Variants in UBTD2 observed in about 807,000 individuals in gnomAD.
UBTD2 encodes the protein ubiquitin domain-containing protein 2.
Under a neutral mutation model 19.8 loss-of-function variants are expected in UBTD2, and 9 were observed. The ratio of observed to expected loss-of-function variants is 0.46; its 90% CI spans 0.27 to 0.79. The LOEUF (loss-of-function observed/expected upper bound fraction) is 0.79, where lower values mean the gene tolerates loss of function less well. Among genes scored for constraint, UBTD2 ranks in the 30% least tolerant of loss-of-function variants. The pLI, the probability that UBTD2 is intolerant of heterozygous loss-of-function variation, is 0.14. For missense variants in UBTD2, 250 were observed against 300.4 expected (o/e 0.83, Z 1.24); for synonymous variants, 98 against 103.9 (o/e 0.94, Z 0.35).
intron 2 of UBTD2, among the ~76,000 whole-genome samples, chr5:172,215,802 C>T (rs1053025102): frequency 1.3e-5 from 2 of 152,116 alleles, no homozygotes; most frequent in African/African-American, 2.4e-5. Context: ...AAATAAAGAA[C>T]GCCTTTGATG....
At chr5:172,253,031 CTTTTG>C (rs565323453) in intron 1 of UBTD2, among the ~76,000 whole-genome samples, 216 of 152,132 alleles carry the variant, frequency 1.4e-3, no homozygotes, top group African/African-American at 4.6e-3. Flanking sequence ...GTCACTTAAT[CTTTTG>C]TTTTGTTTTT....
intron 1 of UBTD2, among the ~76,000 whole-genome samples, chr5:172,278,888 C>T (rs1270995707): frequency 2.0e-5 from 3 of 152,156 alleles, no homozygotes. Flanking sequence ...GATTCTCCTG[C>T]CTCAGCCTCC....
In UBTD2 at chr5:172,240,795, C is replaced by T. The variant is rs139847632; in HGVS notation, c.71-6437G>A. ...ATGAAACTGGGACTAAGAATATGGT[C>T]GCCTAGGCAGTTGGGTGTGGTAGCT... On this transcript the variant is annotated intron_variant, in intron 1 of 2. Transcript: ENST00000393792. Among the ~76,000 whole-genome samples, 558 of 152,182 alleles carry T rather than the reference C, an allele frequency of 3.7e-3. 3 individuals carry two copies. Among genetic ancestry groups the T allele is most frequent in the African/African-American group, 0.012 (490 of 41,518 alleles).
intron 1 of UBTD2, among the ~76,000 whole-genome samples, chr5:172,245,661 G>C (rs1249470223): frequency 6.6e-6 from 1 of 150,790 alleles, no homozygotes; most frequent in Non-Finnish European, 1.5e-5. Context: ...GCAGTGAGCA[G>C]AGATCACACC....
chr5:172,229,336 TA>T (rs1487013791), intron 2 of UBTD2, among the ~76,000 whole-genome samples: 10 of 151,396 alleles, frequency 6.6e-5, no homozygotes, highest in South Asian at 2.1e-4. Flanking sequence ...CTGTCTCTAC[TA>T]AAAAATACAA....
intron 1 of UBTD2, among the ~76,000 whole-genome samples, chr5:172,267,062 T>C (rs10063708): frequency 6.9e-6 from 1 of 144,092 alleles, no homozygotes; most frequent in African/African-American, 2.7e-5. Context: ...AAAAAAAAAG[T>C]TTTTTCCTAG....
chr5:172,246,448 T>C (rs1317232467), intron 1 of UBTD2, among the ~76,000 whole-genome samples: 5 of 143,238 alleles, frequency 3.5e-5, no homozygotes, highest in Non-Finnish European at 6.1e-5. Flanking sequence ...TTGCTTTTTT[T>C]TTTTTTTTTT....
upstream of UBTD2, chr5:172,283,803 C>G: frequency 5.1e-6 from 2 of 389,392 alleles, no homozygotes; most frequent in Non-Finnish European, 7.2e-6. The surrounding 1 kb of genome is among the most constrained non-coding windows in gnomAD (Gnocchi z 4.3). Flanking sequence ...GCCCAGCCTC[C>G]GCCCCCCTCG....
chr5:172,271,213 G>A (rs547680787), intron 1 of UBTD2, among the ~76,000 whole-genome samples: 4 of 152,068 alleles, frequency 2.6e-5, no homozygotes, highest in Admixed American at 6.6e-5. Flanking sequence ...GGTGGATCAC[G>A]AGGTCAGGAG....
At chr5:172,221,493 C>A (rs1444887918) in intron 2 of UBTD2, among the ~76,000 whole-genome samples, 1 of 152,032 alleles carries the variant, frequency 6.6e-6, no homozygotes, top group East Asian at 1.9e-4. Context: ...CAGAGTAAGA[C>A]CCTATCTATA....
chr5:172,249,836 A>C (rs930883567), intron 1 of UBTD2, among the ~76,000 whole-genome samples: 1 of 152,266 alleles, frequency 6.6e-6, no homozygotes, highest in African/African-American at 2.4e-5. Context: ...ATCTCAATTA[A>C]TGCAGAAAAA....
At chr5:172,224,194 T>A (rs1330564945) in intron 2 of UBTD2, among the ~76,000 whole-genome samples, 3 of 151,950 alleles carry the variant, frequency 2.0e-5, no homozygotes, top group Non-Finnish European at 4.4e-5. Flanking sequence ...AAACCCCACG[T>A]ACCTAGGGAG....
chr5:172,253,821 A>G (rs1755080778), intron 1 of UBTD2, among the ~76,000 whole-genome samples: 1 of 152,106 alleles, frequency 6.6e-6, no homozygotes, highest in Non-Finnish European at 1.5e-5. Flanking sequence ...TGAGGAATAC[A>G]TGGACAACTG....
intron 1 of UBTD2, among the ~76,000 whole-genome samples, chr5:172,253,378 A>G (rs933992934): frequency 2.0e-5 from 3 of 152,068 alleles, no homozygotes; most frequent in African/African-American, 7.2e-5. Flanking sequence ...TCTATACTGT[A>G]TTTCCTCAAA....
chr5:172,250,000 A>C (rs2113060089), intron 1 of UBTD2, among the ~76,000 whole-genome samples: 1 of 152,304 alleles, frequency 6.6e-6, no homozygotes, highest in East Asian at 1.9e-4. Context: ...AGGTGGGTTG[A>C]TCATCTGAGG....
intron 1 of UBTD2, among the ~76,000 whole-genome samples, chr5:172,262,307 G>A (rs1276850450): frequency 6.6e-6 from 1 of 151,528 alleles, no homozygotes; most frequent in Non-Finnish European, 1.5e-5. Context: ...AAAATTAGCT[G>A]GGCATGGTGC....
intron 1 of UBTD2, among the ~76,000 whole-genome samples, chr5:172,260,903 C>T (rs1383475809): frequency 6.6e-6 from 1 of 152,196 alleles, no homozygotes; most frequent in Non-Finnish European, 1.5e-5. Flanking sequence ...ATGATGCAGC[C>T]ATCACAAACC....
intron 2 of UBTD2, among the ~76,000 whole-genome samples, chr5:172,218,794 A>T (rs796466287): frequency 0.01 from 1,477 of 140,984 alleles, 20 homozygotes; most frequent in African/African-American, 0.038. Flanking sequence ...AAAAAATAAA[A>T]AAATAAAAAA....
intron 1 of UBTD2, among the ~76,000 whole-genome samples, chr5:172,270,239 G>C (rs1315887290): frequency 6.6e-6 from 1 of 150,886 alleles, no homozygotes; most frequent in African/African-American, 2.4e-5. Flanking sequence ...GCTACCACCT[G>C]GCCTGCCTAA....
Sources: allele counts gnomAD v4.1 joint callset (sites outside exome capture counted in the v4.1 genomes callset), GRCh38; gene constraint gnomAD v4.1.1; non-coding constraint Gnocchi (gnomAD v3.1); transcripts MANE v1.5; gene names NCBI Gene and HGNC (gene_info 2026-07-23, HGNC 2026-07-21).